Variants in ZNF385B observed in about 807,000 individuals in gnomAD.
The protein encoded by ZNF385B is zinc finger protein 533.
A neutral mutation model predicts 39.2 loss-of-function variants in ZNF385B; 23 were observed. That is an observed-to-expected ratio of 0.59 (90% CI 0.42 to 0.83). The LOEUF (loss-of-function observed/expected upper bound fraction) is 0.83, where lower values mean the gene tolerates loss of function less well. Ranked by LOEUF, ZNF385B falls within the 40% of genes least tolerant of loss-of-function variation. ZNF385B has a pLI of 0.00. For synonymous variants in ZNF385B, 205 were observed against 222.6 expected, an observed-to-expected ratio of 0.92 and a Z score of 0.70; for missense variants, 552 against 598.9, an observed-to-expected ratio of 0.92 and a Z score of 0.82.
chr2:179,524,024 C>G (rs995176113), intron 4 of ZNF385B, among the ~76,000 whole-genome samples: 1 of 152,048 alleles, frequency 6.6e-6, no homozygotes, highest in Admixed American at 6.5e-5. Flanking sequence ...TCTTGAACTT[C>G]TGGCCTCATG....
chr2:179,809,204 G>C (rs1160745915), intron 1 of ZNF385B, among the ~76,000 whole-genome samples: 1 of 152,096 alleles, frequency 6.6e-6, no homozygotes, highest in Non-Finnish European at 1.5e-5. Context: ...CTAAGTTTCA[G>C]GAAAAAGTAA....
At chr2:179,762,342 A>G (rs1703451201) in intron 3 of ZNF385B, among the ~76,000 whole-genome samples, 1 of 152,068 alleles carries the variant, frequency 6.6e-6, no homozygotes, top group Non-Finnish European at 1.5e-5. Flanking sequence ...GGCACTCACT[A>G]CTATGCCCAG....
chr2:179,645,120 C>T (rs1692604749), intron 3 of ZNF385B, among the ~76,000 whole-genome samples: 1 of 152,172 alleles, frequency 6.6e-6, no homozygotes, highest in Non-Finnish European at 1.5e-5. Flanking sequence ...TAAAATACTA[C>T]AGGTACACTC....
chr2:179,565,717 C>T (rs1482572858), intron 3 of ZNF385B, among the ~76,000 whole-genome samples: 3 of 152,156 alleles, frequency 2.0e-5, no homozygotes, highest in Non-Finnish European at 4.4e-5. Flanking sequence ...GATGCTCGTC[C>T]CTTTTTGTCT....
At chr2:179,711,475 G>C (rs1054035117) in intron 3 of ZNF385B, among the ~76,000 whole-genome samples, 2 of 152,180 alleles carry the variant, frequency 1.3e-5, no homozygotes, top group African/African-American at 2.4e-5. Context: ...TGCTGGGGTG[G>C]AATGTACGGC....
intron 3 of ZNF385B, among the ~76,000 whole-genome samples, chr2:179,691,290 T>TA (rs1559094781): frequency 6.6e-6 from 1 of 152,190 alleles, no homozygotes; most frequent in African/African-American, 2.4e-5. Context: ...TCATTTATGT[T>TA]ACAGTGAACA....
intron 3 of ZNF385B, among the ~76,000 whole-genome samples, chr2:179,678,391 GTGAC>G (rs902763554): frequency 3.9e-5 from 6 of 152,166 alleles, no homozygotes; most frequent in Non-Finnish European, 1.5e-5. Flanking sequence ...AGTGTGCCAT[GTGAC>G]AAAGCTCAGG....
chr2:179,782,954 A>G (rs763740070), intron 1 of ZNF385B, among the ~76,000 whole-genome samples: 4 of 152,206 alleles, frequency 2.6e-5, no homozygotes, highest in Non-Finnish European at 5.9e-5. Context: ...ACTACGAATG[A>G]CATTCTTCAG....
chr2:179,639,226 C>CAAAAA lies in ZNF385B; in HGVS notation c.299-94262_299-94258dup, dbSNP rs59905278. On this transcript the variant is annotated intron_variant, in intron 3 of 9. Transcript: ENST00000410066. The stretch of plus-strand genomic sequence containing the variant: ...CTGGGGACAGAGTGAGATCCTGCCT[C>CAAAAA]AAAAAAAAAAAAAAAAAAAAAAAGG... Among the ~76,000 whole-genome samples the CAAAAA allele has an allele frequency of 6.3e-3, 583 of 92,960 alleles. 10 individuals are homozygous for CAAAAA. The highest frequency in any genetic ancestry group is 0.023 in the African/African-American group (557 of 23,714). The allele number at this position is 92,960 out of a possible 152,430, so 61.0% of individuals were successfully genotyped here.
At chr2:179,790,885 C>G (rs1705285387) in intron 1 of ZNF385B, among the ~76,000 whole-genome samples, 1 of 152,160 alleles carries the variant, frequency 6.6e-6, no homozygotes, top group African/African-American at 2.4e-5. Flanking sequence ...ATTTGCTTTT[C>G]TTAGAGGGGA....
intron 6 of ZNF385B, among the ~76,000 whole-genome samples, chr2:179,463,752 T>C (rs191158301): frequency 1.1e-3 from 166 of 152,358 alleles, no homozygotes; most frequent in Non-Finnish European, 2.5e-4. Context: ...CAGTCTAATA[T>C]TGATGAACAT....
At chr2:179,502,610 T>C (rs1477287764) in intron 5 of ZNF385B, among the ~76,000 whole-genome samples, 1 of 152,056 alleles carries the variant, frequency 6.6e-6, no homozygotes, top group Non-Finnish European at 1.5e-5. Context: ...TCCTGAGGCC[T>C]CCCCAGAAGC....
At chr2:179,645,355 G>GAT (rs1203353385) in intron 3 of ZNF385B, among the ~76,000 whole-genome samples, 3 of 152,118 alleles carry the variant, frequency 2.0e-5, no homozygotes, top group African/African-American at 7.2e-5. Flanking sequence ...GGGGACTGCT[G>GAT]ATACAATTAA....
intron 1 of ZNF385B, among the ~76,000 whole-genome samples, chr2:179,856,104 G>C (rs919578003): frequency 1.3e-5 from 2 of 152,186 alleles, no homozygotes. Flanking sequence ...GAGCATCACT[G>C]TTTTTCTAAA....
At chr2:179,784,828 T>C (rs1007201440) in intron 1 of ZNF385B, among the ~76,000 whole-genome samples, 1 of 152,096 alleles carries the variant, frequency 6.6e-6, no homozygotes, top group African/African-American at 2.4e-5. Context: ...AAAACTTGTA[T>C]ACGCCGGTGG....
rs186724565 is a variant in ZNF385B, at chr2:179,750,364, C to G, written c.298+19139G>C. 2.5e-3 allele frequency among the ~76,000 whole-genome samples: 381 copies of G among 152,212 alleles called. 1 individual carries two copies. The highest frequency in any genetic ancestry group is 3.9e-3 in the Non-Finnish European group (262 of 68,000). ...TAAAGGGTACCAACTCTTATCCTTG[C>G]TTTGAAGAATAGAGTCAGGATTTTG... On this transcript the variant is annotated intron_variant, in intron 3 of 9. Transcript: ENST00000410066.
intron 1 of ZNF385B, among the ~76,000 whole-genome samples, chr2:179,830,786 C>T (rs1432570147): frequency 6.6e-6 from 1 of 152,172 alleles, no homozygotes; most frequent in Non-Finnish European, 1.5e-5. Flanking sequence ...ATGGTATACA[C>T]ATGACAATAT....
intron 1 of ZNF385B, among the ~76,000 whole-genome samples, chr2:179,842,077 C>T (rs1038245775): frequency 3.9e-5 from 6 of 152,178 alleles, no homozygotes; most frequent in African/African-American, 1.4e-4. Context: ...GAGATAATGA[C>T]AGTACATACC....
At chr2:179,598,032 T>C (rs558483909) in intron 3 of ZNF385B, among the ~76,000 whole-genome samples, 1 of 152,332 alleles carries the variant, frequency 6.6e-6, no homozygotes, top group East Asian at 1.9e-4. Context: ...ATTGCCATGG[T>C]AATTACAGTA....
Sources: allele counts gnomAD v4.1 joint callset (sites outside exome capture counted in the v4.1 genomes callset), GRCh38; gene constraint gnomAD v4.1.1; transcripts MANE v1.5; gene names NCBI Gene and HGNC (gene_info 2026-07-23, HGNC 2026-07-21).